The following LRP1B variants were observed in gnomAD, a reference collection of about 807,000 sequenced individuals.
The protein encoded by LRP1B is LDL receptor related protein 1B, also known as low-density lipoprotein receptor-related protein 1B.
In LRP1B, 217 loss-of-function variants were observed where a neutral mutation model predicts 556.6. That is an observed-to-expected ratio of 0.39 (90% CI 0.35 to 0.44). The LOEUF (loss-of-function observed/expected upper bound fraction) is 0.44, where lower values mean the gene tolerates loss of function less well. LRP1B is among the 20% of genes least tolerant of loss of function. The probability of loss-of-function intolerance (pLI) is 1.00; values close to 1 mark genes in which losing one functional copy is unlikely to be tolerated. For missense variants in LRP1B, 5,053 were observed against 5,620.8 expected, an observed-to-expected ratio of 0.90 and a Z score of 3.23; for synonymous variants, 2,047 against 1,865.8, an observed-to-expected ratio of 1.10 and a Z score of -2.50.
intron 2 of LRP1B, among the ~76,000 whole-genome samples, chr2:141,799,921 A>G (rs1695951878): frequency 6.6e-6 from 1 of 152,062 alleles, no homozygotes; most frequent in South Asian, 2.1e-4. Context: ...GCATATGTAT[A>G]TAAATATTAA....
intron 79 of LRP1B, among the ~76,000 whole-genome samples, chr2:140,328,403 T>A (rs921460435): frequency 2.0e-5 from 3 of 151,794 alleles, no homozygotes; most frequent in Non-Finnish European, 2.9e-5. Flanking sequence ...AAAATTTCAC[T>A]CTTGTCAAAC....
rs1290989162 is a variant in LRP1B, at chr2:140,495,740, G to C, written c.8859C>G (p.Cys2953Trp). ...QDLPVSYKCKCWPGFQLKDDG... is the reference protein window; with the variant it reads ...QDLPVSYKCKWWPGFQLKDDG... ...CATCCTTCAGTTGGAATCCAGGCCA[G>C]CATTTGCACTGGGAAAAGAAAAATG... Residue 2953 changes from cysteine to tryptophan, a missense_variant, in exon 56 of 91, where the codon TGC becomes TGG. Around this residue, in one of 5 missense-constraint regions of LRP1B, gnomAD observed 3,619 missense variants for 3,931.9 expected, o/e 0.92. Coordinates refer to ENST00000389484, the MANE Select transcript of LRP1B (RefSeq NM_018557.3). 1 of 1,601,840 alleles carries C rather than the reference G, an allele frequency of 6.2e-7. No homozygotes were observed. Among genetic ancestry groups the C allele is most frequent in the Non-Finnish European group, 8.5e-7 (1 of 1,169,946 alleles).
chr2:141,342,072 G>A (rs569745255), intron 3 of LRP1B, among the ~76,000 whole-genome samples: 10 of 151,332 alleles, frequency 6.6e-5, no homozygotes, highest in East Asian at 5.9e-4. Context: ...ATGAAACCCC[G>A]TCTCCACTAA....
chr2:142,029,071 T>C (rs1703601806), intron 1 of LRP1B, among the ~76,000 whole-genome samples: 1 of 151,844 alleles, frequency 6.6e-6, no homozygotes, highest in Non-Finnish European at 1.5e-5. Context: ...TCACTGATAA[T>C]GCCTAAGTTC....
chr2:140,675,117 T>C (rs1196288913), intron 41 of LRP1B, among the ~76,000 whole-genome samples: 1 of 152,226 alleles, frequency 6.6e-6, no homozygotes, highest in Non-Finnish European at 1.5e-5. Flanking sequence ...ATGTGTCTCC[T>C]TGTTATAGGA....
chr2:141,019,338 A>G (rs1698000398), intron 12 of LRP1B, among the ~76,000 whole-genome samples: 1 of 152,112 alleles, frequency 6.6e-6, no homozygotes, highest in Admixed American at 6.6e-5. Flanking sequence ...TTAGTGGCTA[A>G]GAGTAAAGTC....
intron 2 of LRP1B, among the ~76,000 whole-genome samples, chr2:141,673,014 A>G (rs573111025): frequency 6.6e-6 from 1 of 152,208 alleles, no homozygotes; most frequent in Admixed American, 6.5e-5. Flanking sequence ...CCCTACCCTA[A>G]AAACAGTCGC....
chr2:141,871,504 CATA>C (rs1226930625), intron 1 of LRP1B, among the ~76,000 whole-genome samples: 4 of 151,802 alleles, frequency 2.6e-5, no homozygotes, highest in Non-Finnish European at 5.9e-5. Flanking sequence ...ATTTTACAAA[CATA>C]ATAAATGCAT....
At chr2:141,822,545 T>A (rs1437836655) in intron 1 of LRP1B, among the ~76,000 whole-genome samples, 1 of 152,178 alleles carries the variant, frequency 6.6e-6, no homozygotes, top group Non-Finnish European at 1.5e-5. Context: ...TTTTTTCTCA[T>A]CTCTAGACAC....
chr2:140,356,565 ATTATTC>A, intron 74 of LRP1B, 89 bp from the exon 75 acceptor site: 1 of 846,536 alleles, frequency 1.2e-6, no homozygotes, highest in Non-Finnish European at 1.9e-6. Flanking sequence ...AATGGTATTT[ATTATTC>A]CACAGATAAC....
chr2:141,808,511 T>A (rs551084323), intron 2 of LRP1B, among the ~76,000 whole-genome samples: 1 of 152,226 alleles, frequency 6.6e-6, no homozygotes, highest in African/African-American at 2.4e-5. Context: ...ATTGTTGTTT[T>A]TCCACATTCC....
intron 3 of LRP1B, among the ~76,000 whole-genome samples, chr2:141,303,181 A>G (rs1210091018): frequency 6.6e-6 from 1 of 152,084 alleles, no homozygotes; most frequent in Non-Finnish European, 1.5e-5. Context: ...ATATTTATGG[A>G]GTATTGTGAT....
At chr2:140,658,684 C>CATTTATTT (rs111867527) in intron 41 of LRP1B, among the ~76,000 whole-genome samples, 98 of 151,754 alleles carry the variant, frequency 6.5e-4, no homozygotes, top group African/African-American at 2.3e-3. Context: ...AATATGTCTA[C>CATTTATTT]ATTTATTTAT....
intron 41 of LRP1B, among the ~76,000 whole-genome samples, chr2:140,679,620 C>G (rs779918667): frequency 6.6e-6 from 1 of 152,178 alleles, no homozygotes; most frequent in South Asian, 2.1e-4. Context: ...GTAACTTGGT[C>G]AGAATGTGGT....
At chr2:141,332,732 A>ATG (rs1284322867) in intron 3 of LRP1B, among the ~76,000 whole-genome samples, 4 of 149,224 alleles carry the variant, frequency 2.7e-5, no homozygotes, top group Admixed American at 2.0e-4. Context: ...TTTTATATAT[A>ATG]TATATATAAA....
At chr2:141,628,680 A>G (rs566317004) in intron 2 of LRP1B, among the ~76,000 whole-genome samples, 2 of 152,100 alleles carry the variant, frequency 1.3e-5, no homozygotes, top group East Asian at 3.9e-4. Context: ...ATAGGGTCTC[A>G]CTCTGTCACC....
At chr2:142,101,965 T>C (rs1706581980) in intron 1 of LRP1B, among the ~76,000 whole-genome samples, 1 of 151,964 alleles carries the variant, frequency 6.6e-6, no homozygotes, top group Non-Finnish European at 1.5e-5. Flanking sequence ...ACTTACATGG[T>C]TCTTTTAGTT....
intron 59 of LRP1B, among the ~76,000 whole-genome samples, chr2:140,481,555 A>G (rs935984703): frequency 4.7e-5 from 7 of 149,426 alleles, no homozygotes; most frequent in African/African-American, 1.7e-4. Context: ...AACTCAAAAA[A>G]TGCTATAGAA....
chr2:142,031,612 TA>T (rs904825381), intron 1 of LRP1B, among the ~76,000 whole-genome samples: 236 of 144,560 alleles, frequency 1.6e-3, no homozygotes, highest in African/African-American at 4.2e-3. Flanking sequence ...TATTGTCAAC[TA>T]AAAAAAAAAT....
Sources: allele counts gnomAD v4.1 joint callset (sites outside exome capture counted in the v4.1 genomes callset), GRCh38; gene constraint gnomAD v4.1.1; regional missense constraint gnomAD v4.1.1; transcripts MANE v1.5; gene names NCBI Gene and HGNC (gene_info 2026-07-23, HGNC 2026-07-21).